The following SLC4A4 variants were observed in gnomAD, a reference collection of about 807,000 sequenced individuals.
The protein encoded by SLC4A4 is electrogenic sodium bicarbonate cotransporter 1.
Under a neutral mutation model 111.5 loss-of-function variants are expected in SLC4A4, and 27 were observed. The observed-to-expected ratio is 0.24, with a 90% CI of 0.18 to 0.33. The LOEUF is 0.33. SLC4A4 is among the 10% of genes least tolerant of loss of function. The probability of loss-of-function intolerance (pLI) is 1.00; values close to 1 mark genes in which losing one functional copy is unlikely to be tolerated. For synonymous variants in SLC4A4, 443 were observed against 463.4 expected, an observed-to-expected ratio of 0.96 and a Z score of 0.57; for missense variants, 909 against 1,315.5, an observed-to-expected ratio of 0.69 and a Z score of 4.78.
chr4:71,463,764 A>T (rs1273684256), intron 12 of SLC4A4, among the ~76,000 whole-genome samples: 3 of 152,098 alleles, frequency 2.0e-5, no homozygotes, highest in Non-Finnish European at 4.4e-5. Flanking sequence ...ACATTTGCTG[A>T]GTGTCTACAG....
At chr4:71,494,457 G>A (rs560614980) in intron 15 of SLC4A4, among the ~76,000 whole-genome samples, 1 of 151,482 alleles carries the variant, frequency 6.6e-6, no homozygotes, top group East Asian at 2.0e-4. Flanking sequence ...AGGACCACAG[G>A]CATGCACCAC....
intron 1 of SLC4A4, among the ~76,000 whole-genome samples, chr4:71,224,728 T>C (rs987978460): frequency 2.0e-5 from 3 of 152,198 alleles, no homozygotes; most frequent in Non-Finnish European, 4.4e-5. Context: ...AGGTAAGTGA[T>C]GTAATTTGAA....
chr4:71,398,670 A>G (rs1433680668), intron 7 of SLC4A4, among the ~76,000 whole-genome samples: 1 of 152,218 alleles, frequency 6.6e-6, no homozygotes, highest in Non-Finnish European at 1.5e-5. Flanking sequence ...GAAGTAGCAT[A>G]TATTGGAAAG....
chr4:71,113,635 C>T (rs1743157606), intron 2 of SLC4A4, among the ~76,000 whole-genome samples: 1 of 152,074 alleles, frequency 6.6e-6, no homozygotes, highest in African/African-American at 2.4e-5. Flanking sequence ...AATAGAGAAC[C>T]ACTGGTTTCT....
At chr4:71,179,040 C>G (rs1179823293) in intron 2 of SLC4A4, among the ~76,000 whole-genome samples, 1 of 152,192 alleles carries the variant, frequency 6.6e-6, no homozygotes, top group Non-Finnish European at 1.5e-5. Context: ...GGATGCAAGG[C>G]TGGTTCAACA....
At chr4:71,150,237 G>C (rs1744277819) in intron 2 of SLC4A4, among the ~76,000 whole-genome samples, 1 of 152,164 alleles carries the variant, frequency 6.6e-6, no homozygotes. Flanking sequence ...TAGGGAAACA[G>C]AGTATCTGGA....
intron 2 of SLC4A4, among the ~76,000 whole-genome samples, chr4:71,243,208 G>A (rs1720388421): frequency 6.6e-6 from 1 of 152,160 alleles, no homozygotes; most frequent in South Asian, 2.1e-4. Flanking sequence ...CAAGAGTCTA[G>A]TATGTGTATA....
At chr4:71,268,216 A>G (rs551196209) in intron 3 of SLC4A4, among the ~76,000 whole-genome samples, 6 of 151,996 alleles carry the variant, frequency 3.9e-5, no homozygotes, top group African/African-American at 1.4e-4. Flanking sequence ...CAGCCAAGAT[A>G]ATCCCTTAAG....
At chr4:71,270,831 G>A (rs1005182708) in intron 3 of SLC4A4, among the ~76,000 whole-genome samples, 11 of 152,184 alleles carry the variant, frequency 7.2e-5, no homozygotes, top group African/African-American at 2.7e-4. Context: ...GAGCTCATAG[G>A]CTCATTGGGG....
intron 1 of SLC4A4, among the ~76,000 whole-genome samples, chr4:71,190,520 T>C (rs1310463505): frequency 6.6e-6 from 1 of 152,172 alleles, no homozygotes; most frequent in Non-Finnish European, 1.5e-5. Flanking sequence ...ATGGCTTTTA[T>C]TGCATTTGGT....
At chr4:71,419,812 G>A (rs184877680) in intron 7 of SLC4A4, among the ~76,000 whole-genome samples, 5 of 152,178 alleles carry the variant, frequency 3.3e-5, no homozygotes, top group Admixed American at 6.5e-5. Flanking sequence ...GCTGTAGACC[G>A]GAGCTGTTCC....
chr4:71,099,223 G>T (rs1258549510), intron 2 of SLC4A4, among the ~76,000 whole-genome samples: 1 of 152,070 alleles, frequency 6.6e-6, no homozygotes, highest in African/African-American at 2.4e-5. Flanking sequence ...CTCAGCAAAT[G>T]CAAAAGAACT....
At position 71,109,515 on chromosome 4, in the gene SLC4A4, G is replaced by A. The variant is rs75807989; in HGVS notation, c.-2+16723G>A. Reference sequence around the variant, plus strand: ...GAGCTCAGGTCCCTGATATTTGGAGGACAGGGTCCTTTATTTTTATTTTTA... The same window carrying A: ...GAGCTCAGGTCCCTGATATTTGGAGAACAGGGTCCTTTATTTTTATTTTTA... On this transcript the variant is annotated intron_variant, in intron 2 of 26. Coordinates refer to the SLC4A4 transcript ENST00000649996. 2.2e-3 allele frequency among the ~76,000 whole-genome samples: 340 copies of A among 152,010 alleles called. 17 individuals carry two copies. The East Asian group carries it at 0.057, about 26-fold the overall frequency.
chr4:71,543,784 T>C (rs1330426240), intron 18 of SLC4A4, among the ~76,000 whole-genome samples: 2 of 152,098 alleles, frequency 1.3e-5, no homozygotes, highest in Admixed American at 6.6e-5. Flanking sequence ...TAATATGGAC[T>C]TCAGTGATTT....
intron 12 of SLC4A4, among the ~76,000 whole-genome samples, chr4:71,460,777 G>A (rs1223613748): frequency 1.3e-5 from 2 of 152,066 alleles, no homozygotes; most frequent in Non-Finnish European, 2.9e-5. Flanking sequence ...GGGGCACATG[G>A]GAATCACTTG....
intron 7 of SLC4A4, among the ~76,000 whole-genome samples, chr4:71,429,417 G>A (rs1252119697): frequency 6.6e-6 from 1 of 151,666 alleles, no homozygotes; most frequent in Admixed American, 6.6e-5. Flanking sequence ...AAATAAGAAA[G>A]GTTAAAAAAA....
intron 2 of SLC4A4, among the ~76,000 whole-genome samples, chr4:71,139,057 A>G (rs992167900): frequency 5.3e-5 from 8 of 151,592 alleles, no homozygotes. Context: ...AAAAAAAAAA[A>G]AAGAATCAGT....
intron 3 of SLC4A4, among the ~76,000 whole-genome samples, chr4:71,299,593 T>C (rs1321452121): frequency 6.6e-6 from 1 of 152,126 alleles, no homozygotes; most frequent in East Asian, 1.9e-4. Flanking sequence ...CCAGGGCCAA[T>C]ATTCTCTGAG....
At chr4:71,160,465 C>T (rs984342381) in intron 2 of SLC4A4, among the ~76,000 whole-genome samples, 1 of 152,088 alleles carries the variant, frequency 6.6e-6, no homozygotes, top group Non-Finnish European at 1.5e-5. Flanking sequence ...ATGTGGAACG[C>T]TTTCATTTCT....
Sources: allele counts gnomAD v4.1 joint callset (sites outside exome capture counted in the v4.1 genomes callset), GRCh38; gene constraint gnomAD v4.1.1; transcripts MANE v1.5; gene names NCBI Gene and HGNC (gene_info 2026-07-23, HGNC 2026-07-21).